The following SYPL1 variants were observed in gnomAD, a reference collection of about 807,000 sequenced individuals.
SYPL1 encodes the protein synaptophysin-like protein 1.
Under a neutral mutation model 23.7 loss-of-function variants are expected in SYPL1, and 6 were observed. The ratio of observed to expected loss-of-function variants is 0.25; its 90% CI spans 0.14 to 0.50. The LOEUF (loss-of-function observed/expected upper bound fraction) is 0.50, where lower values mean the gene tolerates loss of function less well. Among genes scored for constraint, SYPL1 ranks in the 20% least tolerant of loss-of-function variants. The pLI is 0.98. For synonymous variants in SYPL1, 102 were observed against 104.5 expected (o/e 0.98, Z 0.15); for missense variants, 253 against 288.9 (o/e 0.88, Z 0.90).
Position 106,097,650 on chromosome 7 carries a change from C to T in SYPL1, c.402+40G>A. ...TAAGAAAATCTATATTTAGCTTATACAAATTATTTTTGTATTTAAAAAATA... is the reference window on the plus strand; with the variant it reads ...TAAGAAAATCTATATTTAGCTTATATAAATTATTTTTGTATTTAAAAAATA... On this transcript the variant is annotated intron_variant, in intron 3 of 4. Coordinates refer to ENST00000455385, the MANE Select transcript of SYPL1 (RefSeq NM_182715.4). The surrounding 1 kb of genome is among the most constrained non-coding windows in gnomAD (Gnocchi z 4.6). 1.3e-6 allele frequency: 2 copies of T among 1,518,224 alleles called. No individual in the cohort carries two copies. The highest frequency in any genetic ancestry group is 1.2e-5 in the South Asian group (1 of 81,274). 94.0% of individuals were successfully genotyped at this position (1,518,224 alleles called of 1,614,324 possible). A position where few individuals can be genotyped will look rare whatever the true frequency, so the allele number is the denominator to read the frequency against.
In SYPL1 at chr7:106,112,281, C is replaced by A; in HGVS notation, c.-73G>T. On this transcript the variant is annotated 5_prime_UTR_variant, in exon 1 of 5. Coordinates refer to ENST00000455385, the MANE Select transcript of SYPL1 (RefSeq NM_182715.4). ...GGGGACCGACGAGACCAGAGCAGCC[C>A]GGTGGCGAGGAAGGGCAGGCGGGGC... 7.2e-6 allele frequency: 10 copies of A among 1,391,638 alleles called. No individual in the cohort carries two copies. The highest frequency in any genetic ancestry group is 9.5e-6 in the Non-Finnish European group (10 of 1,054,308). 86.2% of individuals were successfully genotyped at this position (1,391,638 alleles called of 1,614,324 possible).
chr7:106,111,851 A>G (rs1269802568), intron 1 of SYPL1: 1 of 192,822 alleles, frequency 5.2e-6, no homozygotes, highest in East Asian at 1.3e-4. Context: ...GGGAAATTTG[A>G]ACTCCCACTC....
At chr7:106,101,763 A>G (rs1405736601) in intron 1 of SYPL1, among the ~76,000 whole-genome samples, 1 of 141,658 alleles carries the variant, frequency 7.1e-6, no homozygotes, top group Non-Finnish European at 1.5e-5. Flanking sequence ...CTGAGCATAT[A>G]CCCACGTTTA....
At position 106,099,170 on chromosome 7, in the gene SYPL1, C is replaced by T. The variant is rs1472737093; in HGVS notation, c.182G>A (p.Gly61Asp). ...AAATATAACTCACCTGAATGGATAA[C>T]CAAAAGTAGCTGTAACAGTTTTATT... Reference protein sequence around the residue: ...TENKTVTATFGYPFRLNEASF... With the variant: ...TENKTVTATFDYPFRLNEASF... Residue 61 changes from glycine (G) to aspartate (D), a missense_variant, in exon 2 of 5, where the codon GGT becomes GAT. Coordinates refer to ENST00000455385, the MANE Select transcript of SYPL1 (RefSeq NM_182715.4). 1 of 1,610,522 alleles carries T rather than the reference C, an allele frequency of 6.2e-7. No homozygotes were observed. Among genetic ancestry groups the T allele is most frequent in the East Asian group, 2.2e-5 (1 of 44,830 alleles).
chr7:106,103,697 A>G (rs1170932633), intron 1 of SYPL1, among the ~76,000 whole-genome samples: 3 of 152,224 alleles, frequency 2.0e-5, no homozygotes, highest in African/African-American at 2.4e-5. Flanking sequence ...ATATATTGTT[A>G]AAATTAATTT....
upstream of SYPL1, chr7:106,112,447 C>G (rs1421606817): frequency 1.4e-6 from 2 of 1,457,736 alleles, no homozygotes; most frequent in Non-Finnish European, 1.8e-6. Context: ...CGGGCCGGGG[C>G]GGAGACCGGG....
intron 1 of SYPL1, among the ~76,000 whole-genome samples, chr7:106,103,963 C>CT (rs1251528195): frequency 6.6e-6 from 1 of 152,218 alleles, no homozygotes; most frequent in African/African-American, 2.4e-5. Context: ...CGATCCTCAA[C>CT]TTTATCTTTC....
At chr7:106,107,743 A>T (rs1473685203) in intron 1 of SYPL1, among the ~76,000 whole-genome samples, 3 of 73,240 alleles carry the variant, frequency 4.1e-5, no homozygotes, top group African/African-American at 3.1e-4. Context: ...CTCCGTCTCC[A>T]AAAAAAAAAA....
intron 2 of SYPL1, among the ~76,000 whole-genome samples, chr7:106,098,266 C>T (rs1840132597): frequency 6.6e-6 from 1 of 152,174 alleles, no homozygotes; most frequent in South Asian, 2.1e-4. Flanking sequence ...GAGCCAATCA[C>T]AACAATGATT....
At chr7:106,098,243 AC>A (rs1221448351) in intron 2 of SYPL1, among the ~76,000 whole-genome samples, 1 of 152,224 alleles carries the variant, frequency 6.6e-6, no homozygotes, top group Non-Finnish European at 1.5e-5. Context: ...AGTATGTGTG[AC>A]TAGCCCCAAG....
chr7:106,099,182 G>C lies in SYPL1; in HGVS notation c.170C>G (p.Thr57Arg), dbSNP rs767856183. The C allele has an allele frequency of 1.9e-6, 3 of 1,613,246 alleles. No individual in the cohort carries two copies. The highest frequency in any genetic ancestry group is 1.3e-5 in the African/African-American group (1 of 74,984). ...CCTGAATGGATAACCAAAAGTAGCT[G>C]TAACAGTTTTATTCTCAGTAACTGC... ...PPAVTENKTV[T>R]ATFGYPFRLN... The change falls in exon 2 of 5, where the codon ACA becomes AGA. Residue 57 changes from threonine (T) to arginine (R), a missense_variant. By Grantham distance (71) the Thr-to-Arg change is moderately conservative. Coordinates refer to ENST00000455385, the MANE Select transcript of SYPL1 (RefSeq NM_182715.4).
chr7:106,099,055 C>T lies in SYPL1; in HGVS notation c.194+103G>A, dbSNP rs975450556. On this transcript the variant is annotated intron_variant, in intron 2 of 4. Coordinates refer to ENST00000455385, the MANE Select transcript of SYPL1 (RefSeq NM_182715.4). The stretch of plus-strand genomic sequence containing the variant: ...GATCACTTACAAATGAGCATACAGT[C>T]TAAAATTTTCTACCCCCCACAATCA... 12 of 1,429,126 alleles carry T rather than the reference C, an allele frequency of 8.4e-6. No individual in the cohort carries two copies. In the Admixed American group the frequency reaches 1.1e-4, roughly 13 times the overall value. 88.5% of individuals were successfully genotyped at this position (1,429,126 alleles called of 1,614,324 possible).
At chr7:106,094,828 G>A (rs1426344657) in intron 3 of SYPL1, among the ~76,000 whole-genome samples, 2 of 151,886 alleles carry the variant, frequency 1.3e-5, no homozygotes, top group Non-Finnish European at 2.9e-5. Flanking sequence ...ATGGCTTGAG[G>A]CCATTCTTAT....
At chr7:106,111,749 G>T (rs1790160047) in intron 1 of SYPL1, 1 of 154,506 alleles carries the variant, frequency 6.5e-6, no homozygotes, top group African/African-American at 2.4e-5. Flanking sequence ...TAACCGCTGA[G>T]CCTCTCCGCA....
chr7:106,112,417 G>A (rs542494618), upstream of SYPL1: 13,716 of 1,409,140 alleles, frequency 9.7e-3, 83 homozygotes, highest in Middle Eastern at 0.024. Context: ...ACGGAGTGGG[G>A]CGGCTGGGGA....
At position 106,101,000 on chromosome 7, in the gene SYPL1, C is replaced by T. The variant is rs570652210; in HGVS notation, c.70-1718G>A. Among the ~76,000 whole-genome samples the T allele has an allele frequency of 3.0e-4, 46 of 152,330 alleles. No individual in the cohort carries two copies. The highest frequency in any genetic ancestry group is 9.6e-4 in the African/African-American group (40 of 41,574). On this transcript the variant is annotated intron_variant, in intron 1 of 4. Transcript: ENST00000455385. The surrounding 1 kb of genome is among the most constrained non-coding windows in gnomAD (Gnocchi z 5.1). ...AATGACACGGGATAAACTCTTCCTT[C>T]AGGACCTTTGCACTGGCTATTTCCT... is the stretch of plus-strand genomic sequence containing the variant.
At chr7:106,092,507 C>G in intron 4 of SYPL1, 1 of 286,788 alleles carries the variant, frequency 3.5e-6, no homozygotes, top group Non-Finnish European at 6.8e-6. Context: ...CCTGTCTCTA[C>G]TGAAGATACA....
chr7:106,099,373 G>A (rs1840195922), intron 1 of SYPL1, 91 bp from the exon 2 acceptor site: 16 of 1,408,962 alleles, frequency 1.1e-5, no homozygotes, highest in Non-Finnish European at 1.4e-5. Context: ...TAAGCACACT[G>A]ATTATTAAAA....
chr7:106,094,064 A>G (rs554701288), intron 3 of SYPL1, among the ~76,000 whole-genome samples: 3 of 152,292 alleles, frequency 2.0e-5, no homozygotes, highest in African/African-American at 7.2e-5. Context: ...TATCTTTTGG[A>G]TGCTATATAT....
Sources: allele counts gnomAD v4.1 joint callset (sites outside exome capture counted in the v4.1 genomes callset), GRCh38; gene constraint gnomAD v4.1.1; non-coding constraint Gnocchi (gnomAD v3.1); transcripts MANE v1.5; gene names NCBI Gene and HGNC (gene_info 2026-07-23, HGNC 2026-07-21).